ZMAT4: variants seen among roughly 807,000 people sequenced by gnomAD.
ZMAT4 encodes zinc finger matrin-type 4.
A neutral mutation model predicts 28.7 loss-of-function variants in ZMAT4; 17 were observed. The ratio of observed to expected loss-of-function variants is 0.59; its 90% CI spans 0.41 to 0.89. The LOEUF (loss-of-function observed/expected upper bound fraction) is 0.89, where lower values mean the gene tolerates loss of function less well. ZMAT4 is among the 40% of genes least tolerant of loss of function. The probability of loss-of-function intolerance (pLI) is 0.00; values close to 1 mark genes in which losing one functional copy is unlikely to be tolerated. For synonymous variants in ZMAT4, 117 were observed against 109.2 expected, an observed-to-expected ratio of 1.07 and a Z score of -0.44; for missense variants, 240 against 283.8, an observed-to-expected ratio of 0.85 and a Z score of 1.11.
intron 3 of ZMAT4, among the ~76,000 whole-genome samples, chr8:40,766,929 G>A (rs1813182405): frequency 6.6e-6 from 1 of 152,192 alleles, no homozygotes; most frequent in African/African-American, 2.4e-5. Context: ...TAACTCAAAG[G>A]GCGAGGAATT....
intron 3 of ZMAT4, among the ~76,000 whole-genome samples, chr8:40,729,867 G>A (rs2150525117): frequency 6.6e-6 from 1 of 152,136 alleles, no homozygotes; most frequent in South Asian, 2.1e-4. Context: ...AAAGTGCTGG[G>A]ATTACAGGCC....
At chr8:40,558,635 T>C (rs972877522) in intron 6 of ZMAT4, among the ~76,000 whole-genome samples, 1 of 152,154 alleles carries the variant, frequency 6.6e-6, no homozygotes, top group African/African-American at 2.4e-5. Context: ...GATCATTGGC[T>C]GACATCAAGT....
intron 5 of ZMAT4, among the ~76,000 whole-genome samples, chr8:40,602,340 C>A (rs903638410): frequency 6.6e-6 from 1 of 152,148 alleles, no homozygotes; most frequent in African/African-American, 2.4e-5. Context: ...GTGCAAGAAT[C>A]TTTTTCGTAT....
At chr8:40,897,316 C>T (rs1472096981) in intron 1 of ZMAT4, among the ~76,000 whole-genome samples, 1 of 152,142 alleles carries the variant, frequency 6.6e-6, no homozygotes, top group Non-Finnish European at 1.5e-5. Context: ...AATCACGTTT[C>T]TCTCGGAACC....
At chr8:40,546,124 C>A (rs1477710088) in intron 6 of ZMAT4, among the ~76,000 whole-genome samples, 2 of 151,902 alleles carry the variant, frequency 1.3e-5, no homozygotes, top group African/African-American at 4.8e-5. Context: ...CAACGCAAAG[C>A]AAACCACAAG....
intron 5 of ZMAT4, among the ~76,000 whole-genome samples, chr8:40,656,101 C>T (rs1807912075): frequency 6.6e-6 from 1 of 151,980 alleles, no homozygotes; most frequent in Admixed American, 6.6e-5. Context: ...TACAACTCAA[C>T]AATAAAAGGC....
intron 6 of ZMAT4, among the ~76,000 whole-genome samples, chr8:40,576,410 A>G (rs1804265637): frequency 6.6e-6 from 1 of 152,136 alleles, no homozygotes; most frequent in African/African-American, 2.4e-5. Context: ...GAATTCTAAA[A>G]ACAACAAGAG....
rs79464875 is a variant in ZMAT4, at chr8:40,644,922, T to C, written c.577+29782A>G. 3.3e-5 allele frequency among the ~76,000 whole-genome samples: 5 copies of C among 152,296 alleles called. No homozygotes were observed. The East Asian group carries it at 9.7e-4, about 29-fold the overall frequency. On this transcript the variant is annotated intron_variant, in intron 5 of 6. Transcript: ENST00000297737. ...GGAAAATTCCAGTCGAGGAGCATTCTCCAAAATATCTGACCAGTGCTTTCA... is the reference window on the plus strand; with the variant it reads ...GGAAAATTCCAGTCGAGGAGCATTCCCCAAAATATCTGACCAGTGCTTTCA...
At chr8:40,824,732 G>GAAAGAAGA (rs376367926) in intron 2 of ZMAT4, among the ~76,000 whole-genome samples, 11 of 127,244 alleles carry the variant, frequency 8.6e-5, no homozygotes, top group South Asian at 7.6e-4. Flanking sequence ...AAGAAAGAAA[G>GAAAGAAGA]AAGAAAGAAA....
chr8:40,628,517 C>T (rs960058776), intron 5 of ZMAT4, among the ~76,000 whole-genome samples: 1 of 152,140 alleles, frequency 6.6e-6, no homozygotes, highest in Non-Finnish European at 1.5e-5. Context: ...TAGGAAGCCT[C>T]GGCCCTCCCA....
At chr8:40,559,303 G>A (rs1200297400) in intron 6 of ZMAT4, among the ~76,000 whole-genome samples, 1 of 152,112 alleles carries the variant, frequency 6.6e-6, no homozygotes, top group Non-Finnish European at 1.5e-5. Flanking sequence ...TTCACATACA[G>A]GGCCTAATTA....
chr8:40,573,186 C>T (rs548320320), intron 6 of ZMAT4, among the ~76,000 whole-genome samples: 13 of 152,150 alleles, frequency 8.5e-5, no homozygotes, highest in Non-Finnish European at 1.5e-4. Context: ...GCATTGTAAG[C>T]AGTGGCTTAG....
chr8:40,766,868 A>G (rs1355687707), intron 3 of ZMAT4, among the ~76,000 whole-genome samples: 1 of 152,246 alleles, frequency 6.6e-6, no homozygotes, highest in Non-Finnish European at 1.5e-5. Flanking sequence ...AAACAAGATC[A>G]CAAGCACACG....
intron 3 of ZMAT4, among the ~76,000 whole-genome samples, chr8:40,752,652 T>C (rs1045224047): frequency 2.0e-5 from 3 of 152,166 alleles, no homozygotes; most frequent in African/African-American, 7.2e-5. Context: ...CCTTTGGTCT[T>C]ACACTAATTA....
intron 5 of ZMAT4, among the ~76,000 whole-genome samples, chr8:40,634,212 A>G (rs969793249): frequency 1.3e-5 from 2 of 152,242 alleles, no homozygotes. Flanking sequence ...AGAATTCTCT[A>G]AAAGATTGTT....
chr8:40,650,778 AAATC>A (rs1366946059), intron 5 of ZMAT4, among the ~76,000 whole-genome samples: 20 of 148,610 alleles, frequency 1.3e-4, no homozygotes, highest in African/African-American at 4.7e-4. Flanking sequence ...CAATATACAC[AAATC>A]AATAAATGTA....
chr8:40,821,236 G>T (rs1450434693), intron 2 of ZMAT4, among the ~76,000 whole-genome samples: 1 of 152,028 alleles, frequency 6.6e-6, no homozygotes, highest in Non-Finnish European at 1.5e-5. Flanking sequence ...TTAGCCACTT[G>T]AAACTGCAGC....
intron 5 of ZMAT4, among the ~76,000 whole-genome samples, chr8:40,604,360 C>G (rs1805507828): frequency 6.6e-6 from 1 of 152,134 alleles, no homozygotes; most frequent in Admixed American, 6.5e-5. Context: ...GTGGGTTTGT[C>G]ATGGACAACT....
intron 3 of ZMAT4, among the ~76,000 whole-genome samples, chr8:40,764,199 C>A (rs1041255311): frequency 3.9e-5 from 6 of 152,064 alleles, no homozygotes; most frequent in African/African-American, 1.4e-4. Context: ...AGGCAATTGA[C>A]CATAACAATT....
Sources: allele counts gnomAD v4.1 joint callset (sites outside exome capture counted in the v4.1 genomes callset), GRCh38; gene constraint gnomAD v4.1.1; transcripts MANE v1.5; gene names NCBI Gene and HGNC (gene_info 2026-07-23, HGNC 2026-07-21).